TNS1: variants seen among roughly 807,000 people sequenced by gnomAD.
TNS1 encodes tensin-1.
A neutral mutation model predicts 168.6 loss-of-function variants in TNS1; 62 were observed. The ratio of observed to expected loss-of-function variants is 0.37; its 90% CI spans 0.30 to 0.45. The LOEUF (loss-of-function observed/expected upper bound fraction) is 0.45, where lower values mean the gene tolerates loss of function less well. Ranked by LOEUF, TNS1 falls within the 20% of genes least tolerant of loss-of-function variation. The pLI, the probability that TNS1 is intolerant of heterozygous loss-of-function variation, is 1.00. For synonymous variants in TNS1, 934 were observed against 933.2 expected (o/e 1.00, Z -0.02); for missense variants, 2,240 against 2,339.4 (o/e 0.96, Z 0.88).
chr2:217,859,121 C>G, intron 18 of TNS1: 1 of 170,552 alleles, frequency 5.9e-6, no homozygotes, highest in South Asian at 1.4e-4. Flanking sequence ...CCATGGCAGC[C>G]CCAGTGCCCT....
intron 1 of TNS1, among the ~76,000 whole-genome samples, chr2:218,021,842 C>A (rs767185271): frequency 9.2e-5 from 14 of 152,206 alleles, no homozygotes; most frequent in Non-Finnish European, 1.9e-4. Flanking sequence ...CTATTTTTAG[C>A]CAGGACCCAG....
intron 2 of TNS1, among the ~76,000 whole-genome samples, chr2:217,980,834 C>T (rs1559398666): frequency 6.6e-6 from 1 of 152,116 alleles, no homozygotes; most frequent in Non-Finnish European, 1.5e-5. Context: ...TTGGCACTTG[C>T]TGTGTCAGCT....
At chr2:217,868,750 T>C (rs916074561) in intron 18 of TNS1, among the ~76,000 whole-genome samples, 1 of 152,220 alleles carries the variant, frequency 6.6e-6, no homozygotes, top group African/African-American at 2.4e-5. Flanking sequence ...AAGCTAGGGC[T>C]CAAGCCCAGA....
rs201334905 is a variant in TNS1, at chr2:217,810,303, C to T, written c.5049G>A (p.Ser1683=). ...AGTTGGCAGGGCCGGAGCTATCTTT[C>T]GATTCATCTGTGGGGTCTAAGACAA... The part of the protein sequence containing the change: ...VIPNRDPTDE[S]KDSSGPANST... The change falls in exon 29 of 33, where the codon TCG becomes TCA. Residue 1683 remains serine (S), a synonymous_variant. Transcript: ENST00000682258. 45 of 1,614,096 alleles carry T rather than the reference C, an allele frequency of 2.8e-5. No homozygotes were observed. In the Middle Eastern group the frequency reaches 6.6e-4, roughly 24 times the overall value.
chr2:218,031,094 G>T (rs530624261), intron 1 of TNS1, among the ~76,000 whole-genome samples: 5 of 133,044 alleles, frequency 3.8e-5, no homozygotes, highest in Non-Finnish European at 7.5e-5. Flanking sequence ...GTGTGTGAGC[G>T]TGTCTGTGTG....
intron 8 of TNS1, among the ~76,000 whole-genome samples, chr2:217,896,670 G>T (rs1952339412): frequency 6.6e-6 from 1 of 152,200 alleles, no homozygotes; most frequent in Non-Finnish European, 1.5e-5. Context: ...TTGAGGTAGA[G>T]TCATCACTTG....
chr2:218,012,579 G>A (rs1958715391), upstream of TNS1, among the ~76,000 whole-genome samples: 1 of 152,160 alleles, frequency 6.6e-6, no homozygotes, highest in Non-Finnish European at 1.5e-5. Context: ...ACAGGGACCT[G>A]AAGCCAGGCC....
At chr2:217,989,291 T>C (rs1158152534) in intron 2 of TNS1, among the ~76,000 whole-genome samples, 1 of 152,190 alleles carries the variant, frequency 6.6e-6, no homozygotes, top group Non-Finnish European at 1.5e-5. Flanking sequence ...ATTGGGCTTA[T>C]GTTTTTAAGT....
At chr2:218,005,838 C>T (rs187018804), upstream of TNS1, among the ~76,000 whole-genome samples, 251 of 152,360 alleles carry the variant, frequency 1.6e-3, 2 homozygotes, top group Admixed American at 6.6e-3. Context: ...TACACTTTTG[C>T]CCACAATTTC....
chr2:218,027,501 A>T (rs1215516045), intron 1 of TNS1, among the ~76,000 whole-genome samples: 1 of 152,004 alleles, frequency 6.6e-6, no homozygotes, highest in Non-Finnish European at 1.5e-5. Flanking sequence ...TGAAACTTTT[A>T]AGAACTTGTT....
chr2:217,893,400 GCACACACACACACA>G (rs55877465), intron 10 of TNS1, 25 bp downstream of exon 10: 12 of 1,461,504 alleles, frequency 8.2e-6, no homozygotes, highest in East Asian at 7.3e-5. Flanking sequence ...GTGCGCGCGC[GCACACACACACACA>G]CACACACACA....
chr2:217,881,160 G>T, intron 17 of TNS1, 146 bp from the exon 18 acceptor site: 1 of 621,178 alleles, frequency 1.6e-6, no homozygotes, highest in Non-Finnish European at 2.9e-6. Flanking sequence ...CGTGGTGGGC[G>T]GGACCAGTGG....
intron 4 of TNS1, among the ~76,000 whole-genome samples, chr2:217,909,221 C>A (rs1954070110): frequency 6.6e-6 from 1 of 152,096 alleles, no homozygotes; most frequent in Non-Finnish European, 1.5e-5. Flanking sequence ...AACAGCCCAG[C>A]TGCCTCGTCT....
At chr2:217,823,922 C>A (rs903015170) in intron 22 of TNS1, among the ~76,000 whole-genome samples, 14 of 152,226 alleles carry the variant, frequency 9.2e-5, no homozygotes, top group East Asian at 5.8e-4. Context: ...AAGGCCCAGG[C>A]CAAATTCATA....
chr2:217,936,713 C>T (rs1423095537), intron 3 of TNS1, among the ~76,000 whole-genome samples: 1 of 152,136 alleles, frequency 6.6e-6, no homozygotes, highest in Non-Finnish European at 1.5e-5. Flanking sequence ...AGAATATCCC[C>T]CCATCTTGAG....
intron 23 of TNS1, among the ~76,000 whole-genome samples, chr2:217,820,711 G>T (rs1942707528): frequency 1.3e-5 from 2 of 152,114 alleles, no homozygotes; most frequent in African/African-American, 2.4e-5. Flanking sequence ...TGAGCTGATT[G>T]CAACCCTCCT....
intron 3 of TNS1, among the ~76,000 whole-genome samples, chr2:217,922,443 G>A (rs1955772884): frequency 6.6e-6 from 1 of 152,122 alleles, no homozygotes; most frequent in Non-Finnish European, 1.5e-5. Flanking sequence ...AGCTTGGGCT[G>A]GGCAGGGACC....
intron 18 of TNS1, among the ~76,000 whole-genome samples, chr2:217,853,937 A>G (rs1447013489): frequency 1.3e-5 from 2 of 152,222 alleles, no homozygotes; most frequent in Non-Finnish European, 2.9e-5. Context: ...CACACTTAAA[A>G]AAGAACGAAG....
At chr2:217,868,617 T>C (rs1285602451) in intron 18 of TNS1, among the ~76,000 whole-genome samples, 1 of 152,224 alleles carries the variant, frequency 6.6e-6, no homozygotes, top group Non-Finnish European at 1.5e-5. Context: ...TGCCCATAGA[T>C]GATTACTTTT....
Sources: allele counts gnomAD v4.1 joint callset (sites outside exome capture counted in the v4.1 genomes callset), GRCh38; gene constraint gnomAD v4.1.1; transcripts MANE v1.5; gene names NCBI Gene and HGNC (gene_info 2026-07-23, HGNC 2026-07-21).